ALDH1L2: variants seen among roughly 807,000 people sequenced by gnomAD.
ALDH1L2 encodes mitochondrial 10-formyltetrahydrofolate dehydrogenase.
In ALDH1L2, 91 loss-of-function variants were observed where a neutral mutation model predicts 111.0. The ratio of observed to expected loss-of-function variants is 0.82; its 90% CI spans 0.69 to 0.98. The LOEUF is 0.98. ALDH1L2 is among the 50% of genes least tolerant of loss of function. The probability of loss-of-function intolerance (pLI) is 0.00; values close to 1 mark genes in which losing one functional copy is unlikely to be tolerated. For missense variants in ALDH1L2, 995 were observed against 1,126.8 expected (o/e 0.88, Z 1.67); for synonymous variants, 374 against 392.6 (o/e 0.95, Z 0.56).
chr12:105,023,566 G>A lies in ALDH1L2; in HGVS notation c.*858C>T, dbSNP rs974208737. ...CATGAGCAAAGCATTAATGTGAGGT[G>A]CTTTACTTACATTACTGCAATGAAT... On this transcript the variant is annotated 3_prime_UTR_variant, in exon 23 of 23. Transcript: ENST00000258494. The A allele has an allele frequency of 2.0e-5, 3 of 152,150 alleles. No individual in the cohort carries two copies. In the East Asian group the frequency reaches 5.8e-4, roughly 29 times the overall value. 9.4% of individuals were successfully genotyped at this position (152,150 alleles called of 1,614,324 possible).
intron 22 of ALDH1L2, 53 bp from the exon 23 acceptor site, chr12:105,024,532 G>C (rs1328794965): frequency 6.4e-7 from 1 of 1,558,330 alleles, no homozygotes; most frequent in South Asian, 1.1e-5. Flanking sequence ...GACATGTGAT[G>C]TCTTCAGACC....
intron 15 of ALDH1L2, among the ~76,000 whole-genome samples, chr12:105,042,706 C>T (rs7297999): frequency 0.37 from 56,089 of 152,056 alleles, 10,600 homozygotes; most frequent in South Asian, 0.53. Flanking sequence ...CCATTCATCC[C>T]ATGTTCTATA....
In ALDH1L2 at chr12:105,022,063, T is replaced by C. The variant is rs915577505; in HGVS notation, c.*2361A>G. On this transcript the variant is annotated 3_prime_UTR_variant, in exon 23 of 23. Coordinates refer to ENST00000258494, the MANE Select transcript of ALDH1L2 (RefSeq NM_001034173.4). ...GCATTATTAGCAAAATAATCCGTGATCTAAAGCAACAGCGATGATTTTATT... is the reference window on the plus strand; with the variant it reads ...GCATTATTAGCAAAATAATCCGTGACCTAAAGCAACAGCGATGATTTTATT... 2 of 152,210 alleles carry C rather than the reference T, an allele frequency of 1.3e-5. No homozygotes were observed. Among genetic ancestry groups the C allele is most frequent in the African/African-American group, 2.4e-5 (1 of 41,438 alleles). The allele number at this position is 152,210 out of a possible 1,614,324, so 9.4% of individuals were successfully genotyped here. A position where few individuals can be genotyped will look rare whatever the true frequency, so the allele number is the denominator to read the frequency against.
intron 21 of ALDH1L2, 163 bp downstream of exon 21, chr12:105,030,161 C>T (rs551911102): frequency 7.2e-5 from 33 of 460,460 alleles, no homozygotes; most frequent in East Asian, 1.4e-4. Context: ...CTATGATCTA[C>T]GATGGTTAGC....
intron 9 of ALDH1L2, among the ~76,000 whole-genome samples, chr12:105,060,128 A>G (rs1876897723): frequency 6.6e-6 from 1 of 151,978 alleles, no homozygotes; most frequent in African/African-American, 2.4e-5. Context: ...AAGTAGCCTG[A>G]TAACCCTCAT....
At chr12:105,072,422 C>G (rs923972335) in intron 2 of ALDH1L2, 1 of 151,948 alleles carries the variant, frequency 6.6e-6, no homozygotes, top group African/African-American at 2.4e-5. Context: ...ATTCTGAAGC[C>G]TGAGGAAGTC....
At position 105,046,559 on chromosome 12, in the gene ALDH1L2, A is replaced by G. The variant is rs116692222; in HGVS notation, c.1863+151T>C. 1,143 of 645,882 alleles carry G rather than the reference A, an allele frequency of 1.8e-3. 7 individuals carry two copies. The African/African-American group carries it at 0.019, about 11-fold the overall frequency. The allele number at this position is 645,882 out of a possible 1,614,324, so 40.0% of individuals were successfully genotyped here. A position where few individuals can be genotyped will look rare whatever the true frequency, so the allele number is the denominator to read the frequency against. On this transcript the variant is annotated intron_variant, in intron 15 of 22. Transcript: ENST00000258494. ...TGTATTAGGTAGCTATTAAAAATGA[A>G]TATTTACTGACATGAAAAGTTGTCC...
At chr12:105,059,642 TG>T (rs1876867031) in intron 9 of ALDH1L2, among the ~76,000 whole-genome samples, 1 of 152,210 alleles carries the variant, frequency 6.6e-6, no homozygotes, top group East Asian at 1.9e-4. Context: ...TGATTGTTTT[TG>T]ATTTCTGGAA....
At chr12:105,063,692 C>A (rs1478095300) in intron 6 of ALDH1L2, among the ~76,000 whole-genome samples, 1 of 151,646 alleles carries the variant, frequency 6.6e-6, no homozygotes, top group Admixed American at 6.6e-5. Flanking sequence ...TGGGGGTGGG[C>A]GTCAATGATG....
chr12:105,065,215 A>T, intron 6 of ALDH1L2, 52 bp downstream of exon 6: 2 of 1,041,186 alleles, frequency 1.9e-6, no homozygotes, highest in Non-Finnish European at 2.7e-6. Context: ...AATATCTCTT[A>T]CAAAGGTAAT....
Position 105,038,138 on chromosome 12 carries a change from A to G in ALDH1L2, c.2110T>C (p.Phe704Leu). The change falls in exon 18 of 23, where the codon TTT becomes CTT. Residue 704 changes from phenylalanine (F) to leucine (L), a missense_variant. Phe to Leu is a conservative substitution (Grantham distance 22). Coordinates refer to ENST00000258494, the MANE Select transcript of ALDH1L2 (RefSeq NM_001034173.4). ...ELGGKSPLII[F>L]NDCELDKAVR... ...GCCTTGTCAAGTTCACAGTCATTAAATATTATAAGTGGAGACTTGCCACCA... is the reference window on the plus strand; with the variant it reads ...GCCTTGTCAAGTTCACAGTCATTAAGTATTATAAGTGGAGACTTGCCACCA... 1 of 1,613,808 alleles carries G rather than the reference A, an allele frequency of 6.2e-7. No homozygotes were observed. Among genetic ancestry groups the G allele is most frequent in the Non-Finnish European group, 8.5e-7 (1 of 1,179,822 alleles).
chr12:105,047,035 T>C (rs1875965661), intron 13 of ALDH1L2, 66 bp from the exon 14 acceptor site: 1 of 1,542,982 alleles, frequency 6.5e-7, no homozygotes, highest in Non-Finnish European at 8.9e-7. Flanking sequence ...TCTCAAAGGA[T>C]CCATTTTCTG....
chr12:105,058,682 T>G (rs977387505), intron 9 of ALDH1L2, among the ~76,000 whole-genome samples: 3 of 152,252 alleles, frequency 2.0e-5, no homozygotes, highest in African/African-American at 7.2e-5. Flanking sequence ...AGGTACTAGC[T>G]AGAACCATAT....
chr12:105,044,266 T>C (rs1875709996), intron 15 of ALDH1L2, among the ~76,000 whole-genome samples: 1 of 152,142 alleles, frequency 6.6e-6, no homozygotes. Context: ...TTATATATAC[T>C]CATTGCCATT....
intron 19 of ALDH1L2, 110 bp from the exon 20 acceptor site, chr12:105,032,044 C>T (rs1874726683): frequency 5.5e-6 from 6 of 1,091,238 alleles, no homozygotes; most frequent in Non-Finnish European, 7.7e-6. Context: ...GTCATTTAGT[C>T]TTTACAATAG....
At chr12:105,057,614 G>A (rs145729917) in intron 10 of ALDH1L2, among the ~76,000 whole-genome samples, 1 of 152,138 alleles carries the variant, frequency 6.6e-6, no homozygotes, top group Admixed American at 6.5e-5. Flanking sequence ...ATGGATGAAC[G>A]TTGGACACAT....
At chr12:105,075,109 A>T (rs1010382843) in intron 1 of ALDH1L2, among the ~76,000 whole-genome samples, 2 of 152,234 alleles carry the variant, frequency 1.3e-5, no homozygotes, top group African/African-American at 4.8e-5. Flanking sequence ...CCTTACAAAA[A>T]TTTTGGCTTT....
intron 13 of ALDH1L2, 88 bp downstream of exon 13, chr12:105,049,820 C>T: frequency 7.1e-7 from 1 of 1,412,054 alleles, no homozygotes; most frequent in Non-Finnish European, 9.4e-7. Context: ...AAAAAATCTA[C>T]ATAAAAAGAG....
chr12:105,077,266 TC>T (rs1050010319), intron 1 of ALDH1L2, among the ~76,000 whole-genome samples: 4 of 151,322 alleles, frequency 2.6e-5, no homozygotes, highest in Non-Finnish European at 5.9e-5. Context: ...TAATCTTGTT[TC>T]TTTTTTCTTT....
Sources: allele counts gnomAD v4.1 joint callset (sites outside exome capture counted in the v4.1 genomes callset), GRCh38; gene constraint gnomAD v4.1.1; transcripts MANE v1.5; gene names NCBI Gene and HGNC (gene_info 2026-07-23, HGNC 2026-07-21).